Variants in FBLN7 observed in about 807,000 individuals in gnomAD.
FBLN7 encodes the protein fibulin-7.
Under a neutral mutation model 44.0 loss-of-function variants are expected in FBLN7, and 31 were observed. The observed-to-expected ratio is 0.70, with a 90% CI of 0.53 to 0.95. FBLN7 has a LOEUF of 0.95. FBLN7 is among the 40% of genes least tolerant of loss of function. FBLN7 has a pLI of 0.00. For missense variants in FBLN7, 573 were observed against 618.5 expected (o/e 0.93, Z 0.78); for synonymous variants, 262 against 253.4 (o/e 1.03, Z -0.32).
chr2:112,184,076 G>T (rs1048696315), intron 6 of FBLN7, among the ~76,000 whole-genome samples: 17 of 152,180 alleles, frequency 1.1e-4, no homozygotes, highest in Admixed American at 9.2e-4. Flanking sequence ...GCCCAAGTGG[G>T]ATCATCCTGA....
At chr2:112,171,025 G>C (rs1214208805) in intron 3 of FBLN7, among the ~76,000 whole-genome samples, 2 of 152,178 alleles carry the variant, frequency 1.3e-5, no homozygotes, top group African/African-American at 4.8e-5. Context: ...ACTGAGCGAT[G>C]GATGTGGTTT....
rs965786126 is a variant in FBLN7 at position 112,179,084 on chromosome 2, A to C, written c.533-2655A>C. Among the ~76,000 whole-genome samples, 4 of 152,356 alleles carry C rather than the reference A, an allele frequency of 2.6e-5. No homozygotes were observed. In the East Asian group the frequency reaches 7.7e-4, roughly 29 times the overall value. On this transcript the variant is annotated intron_variant, in intron 4 of 7. Transcript: ENST00000331203. ...AGATGACATGATTCTATATCTAGAA[A>C]ATCCCAAAGTCTCGGCCCAAAAGTT...
the FBLN7 span, chr2:112,231,830 A>G: frequency 6.6e-7 from 1 of 1,521,888 alleles, no homozygotes; most frequent in South Asian, 1.3e-5. Context: ...ATTAAAAATT[A>G]TACTTACTTT....
At position 112,165,136 on chromosome 2, in the gene FBLN7, A is replaced by T. The variant is rs778824189; in HGVS notation, c.371A>T (p.Asn124Ile). 24 of 1,614,004 alleles carry T rather than the reference A, an allele frequency of 1.5e-5. No homozygotes were observed. The highest frequency in any genetic ancestry group is 1.9e-5 in the Non-Finnish European group (22 of 1,180,002). Residue 124 changes from asparagine (N) to isoleucine (I), a missense_variant, in exon 3 of 8, where the codon AAT becomes ATT. Asn to Ile is a moderately radical substitution (Grantham distance 149). Coordinates refer to ENST00000331203, the MANE Select transcript of FBLN7 (RefSeq NM_153214.3). ...CCCAGCAGCGTGGTGTGTCTTCCCA[A>T]TGGCACCTGGACAGGGGAGCAGCCC... Reference protein sequence around the residue: ...VGPSSVVCLPNGTWTGEQPHC... With the variant: ...VGPSSVVCLPIGTWTGEQPHC...
the FBLN7 span, among the ~76,000 whole-genome samples, chr2:112,223,131 A>T: frequency 6.6e-6 from 1 of 152,100 alleles, no homozygotes; most frequent in African/African-American, 2.4e-5. Context: ...GTGGGGAGGG[A>T]TAGCATTAGG....
At chr2:112,229,764 C>A in the FBLN7 span, among the ~76,000 whole-genome samples, 5 of 152,070 alleles carry the variant, frequency 3.3e-5, no homozygotes, top group African/African-American at 1.2e-4. Flanking sequence ...ACTGTTAATA[C>A]AATTCCCAAT....
downstream of FBLN7, among the ~76,000 whole-genome samples, chr2:112,193,139 C>G (rs1683542061): frequency 6.6e-6 from 1 of 152,262 alleles, no homozygotes; most frequent in Non-Finnish European, 1.5e-5. Flanking sequence ...GCTCAAGTCC[C>G]TGATAGAAAA....
At chr2:112,230,833 T>G in the FBLN7 span, 162 of 988,748 alleles carry the variant, frequency 1.6e-4, no homozygotes, top group Middle Eastern at 2.3e-4. Context: ...AGAACCCTAT[T>G]GAGGTTGCAT....
the FBLN7 span, chr2:112,233,136 C>G: frequency 1.7e-6 from 1 of 580,098 alleles, no homozygotes; most frequent in South Asian, 2.5e-5. Context: ...CACTTTGATA[C>G]TAAGTTGGGC....
chr2:112,196,055 A>ATGGCC, the FBLN7 span, among the ~76,000 whole-genome samples: 3 of 152,268 alleles, frequency 2.0e-5, no homozygotes, highest in East Asian at 5.8e-4. Flanking sequence ...CTCCTCTCAT[A>ATGGCC]TGGCCAATGG....
intron 1 of FBLN7, among the ~76,000 whole-genome samples, chr2:112,145,902 A>T (rs548459246): frequency 6.6e-6 from 1 of 152,368 alleles, no homozygotes; most frequent in East Asian, 1.9e-4. Flanking sequence ...GTAGCTTTAC[A>T]GTAAGTGTTA....
intron 1 of FBLN7, 111 bp downstream of exon 1, chr2:112,138,841 TC>T: frequency 9.1e-7 from 1 of 1,100,294 alleles, no homozygotes; most frequent in South Asian, 2.0e-5. Context: ...CTCTCCCCTG[TC>T]CCTCCCGCCT....
intron 4 of FBLN7, among the ~76,000 whole-genome samples, chr2:112,180,841 T>C (rs1682946422): frequency 7.4e-6 from 1 of 135,732 alleles, no homozygotes; most frequent in Non-Finnish European, 1.5e-5. Flanking sequence ...GAGAATGGCA[T>C]GAACCCGGGA....
rs557756132 is a variant in FBLN7 at position 112,162,828 on chromosome 2, G to C, written c.236-2173G>C. ...GTTGCAGGTAGTTTTCTTTTGTCGA[G>C]GTTTTTAAAGATTTTTCATCCCCAA... On this transcript the variant is annotated intron_variant, in intron 2 of 7. Transcript: ENST00000331203. Among the ~76,000 whole-genome samples the C allele has an allele frequency of 2.0e-5, 3 of 152,128 alleles. No homozygotes were observed. In the South Asian group the frequency reaches 6.2e-4, roughly 32 times the overall value.
At position 112,184,732 on chromosome 2, in the gene FBLN7, TG is replaced by T. The variant is rs1219840968; in HGVS notation, c.809-467del. On this transcript the variant is annotated intron_variant, in intron 6 of 7. Coordinates refer to ENST00000331203, the MANE Select transcript of FBLN7 (RefSeq NM_153214.3). ...TATGGTATATGTATATATATGTATA[TG>T]GTATATATATATACACACACCATAT... Among the ~76,000 whole-genome samples, 2 of 147,684 alleles carry T rather than the reference TG, an allele frequency of 1.4e-5. 1 individual carries two copies. Among genetic ancestry groups the T allele is most frequent in the Non-Finnish European group, 3.0e-5 (2 of 67,138 alleles).
chr2:112,206,841 T>A, the FBLN7 span, among the ~76,000 whole-genome samples: 2 of 149,966 alleles, frequency 1.3e-5, no homozygotes, highest in African/African-American at 4.9e-5. Context: ...CAAGTGATCC[T>A]CCCACTCCAG....
In FBLN7 at chr2:112,155,753, A is replaced by G. The variant is rs545461580; in HGVS notation, c.76-3923A>G. Among the ~76,000 whole-genome samples the G allele has an allele frequency of 2.5e-3, 385 of 152,298 alleles. 3 individuals are homozygous for G. Among genetic ancestry groups the G allele is most frequent in the African/African-American group, 8.2e-3 (342 of 41,570 alleles). On this transcript the variant is annotated intron_variant, in intron 1 of 7. Transcript: ENST00000331203. The stretch of plus-strand genomic sequence containing the variant: ...GAGCAGGAAGTGGCACCGGAAGCAG[A>G]GGGCAGTTGTGCCTGGAGCCAGCAG...
the FBLN7 span, chr2:112,236,739 T>A: frequency 1.0e-5 from 16 of 1,528,104 alleles, no homozygotes; most frequent in African/African-American, 1.4e-5. Flanking sequence ...AAAGTTACAA[T>A]AGCAGTTTAC....
chr2:112,187,182 T>C lies in FBLN7; in HGVS notation c.996T>C (p.His332=). The C allele has an allele frequency of 6.2e-7, 1 of 1,614,108 alleles. No homozygotes were observed. The highest frequency in any genetic ancestry group is 1.7e-5 in the Admixed American group (1 of 60,024). Residue 332 remains histidine, a synonymous_variant, in exon 8 of 8, where the codon CAT becomes CAC. Transcript: ENST00000331203. The surrounding 1 kb of genome is among the most constrained non-coding windows in gnomAD (Gnocchi z 5.1). The part of the protein sequence containing the change: ...PCPMDSRPCR[H]LPKTISFHYL... ...CCATGGACAGCAGGCCCTGCCGCCA[T>C]CTGCCCAAGACCATCTCCTTCCATT...
Sources: gnomAD v4.1 joint callset for allele counts (sites outside exome capture counted in the v4.1 genomes callset) on GRCh38, gnomAD v4.1.1 for gene constraint, Gnocchi (gnomAD v3.1) non-coding constraint, MANE v1.5 for transcripts, NCBI Gene and HGNC (gene_info 2026-07-23, HGNC 2026-07-21) for gene names.